BMP5: variants seen among roughly 807,000 people sequenced by gnomAD.
The protein encoded by BMP5 is bone morphogenetic protein 5.
Under a neutral mutation model 46.6 loss-of-function variants are expected in BMP5, and 23 were observed. The ratio of observed to expected loss-of-function variants is 0.49; its 90% CI spans 0.35 to 0.70. The LOEUF (loss-of-function observed/expected upper bound fraction) is 0.70, where lower values mean the gene tolerates loss of function less well. Among genes scored for constraint, BMP5 ranks in the 30% least tolerant of loss-of-function variants. The pLI is 0.00. For missense variants in BMP5, 545 were observed against 565.6 expected (o/e 0.96, Z 0.37); for synonymous variants, 204 against 191.9 (o/e 1.06, Z -0.52).
At chr6:55,780,593 G>A (rs1203060976) in intron 3 of BMP5, among the ~76,000 whole-genome samples, 2 of 152,096 alleles carry the variant, frequency 1.3e-5, no homozygotes, top group East Asian at 3.9e-4. Context: ...GTTTAAAGGG[G>A]ATAGAGATTT....
chr6:55,858,471 C>T (rs2127552630), intron 1 of BMP5, among the ~76,000 whole-genome samples: 1 of 152,168 alleles, frequency 6.6e-6, no homozygotes, highest in Non-Finnish European at 1.5e-5. Flanking sequence ...AAGCTGCAAA[C>T]TTAAAACTCC....
chr6:55,769,397 A>G (rs1227187293), intron 4 of BMP5, among the ~76,000 whole-genome samples: 1 of 151,828 alleles, frequency 6.6e-6, no homozygotes, highest in Non-Finnish European at 1.5e-5. Flanking sequence ...TTTTTGCTCA[A>G]CCATAAGAAG....
intron 2 of BMP5, among the ~76,000 whole-genome samples, chr6:55,811,004 G>C (rs9464290): frequency 0.017 from 2,575 of 152,252 alleles, 80 homozygotes; most frequent in African/African-American, 0.058. Flanking sequence ...CTCTAAAATA[G>C]AGCATGATCC....
rs1774530835 is a variant in BMP5 at position 55,754,527 on chromosome 6, T to C, written c.*1006A>G. On this transcript the variant is annotated 3_prime_UTR_variant, in exon 7 of 7. Coordinates refer to ENST00000370830, the MANE Select transcript of BMP5 (RefSeq NM_021073.4). ...CTTTTGGTAATTTCCTCCAGTTTAG[T>C]TTCAGTGCTTTTACTTCTAAATAAA... 1.3e-5 allele frequency: 2 copies of C among 151,956 alleles called. No individual in the cohort carries two copies. The highest frequency in any genetic ancestry group is 2.9e-5 in the Non-Finnish European group (2 of 67,922). The allele number at this position is 151,956 out of a possible 1,614,324, so 9.4% of individuals were successfully genotyped here.
At chr6:55,802,084 A>T (rs62406250) in intron 2 of BMP5, among the ~76,000 whole-genome samples, 6,126 of 152,282 alleles carry the variant, frequency 0.04, 176 homozygotes, top group Non-Finnish European at 0.064. Flanking sequence ...TGGTCTGGAA[A>T]TCAAGGGGTG....
At chr6:55,812,628 G>C (rs927018971) in intron 2 of BMP5, among the ~76,000 whole-genome samples, 6 of 152,174 alleles carry the variant, frequency 3.9e-5, no homozygotes, top group African/African-American at 1.4e-4. Flanking sequence ...AGTACAGTCT[G>C]CCCTGACTTT....
At chr6:55,853,529 CAACT>C (rs1482734085) in intron 1 of BMP5, among the ~76,000 whole-genome samples, 2 of 152,092 alleles carry the variant, frequency 1.3e-5, no homozygotes, top group Non-Finnish European at 2.9e-5. Context: ...GTAATACAAC[CAACT>C]ATTAGTCATT....
chr6:55,852,927 C>T (rs192509432), intron 1 of BMP5, among the ~76,000 whole-genome samples: 247 of 151,968 alleles, frequency 1.6e-3, no homozygotes, highest in African/African-American at 5.5e-3. Flanking sequence ...GTCAGGAGAT[C>T]GAGACCATCC....
chr6:55,813,781 C>T (rs1448554111), intron 2 of BMP5, among the ~76,000 whole-genome samples: 1 of 115,982 alleles, frequency 8.6e-6, no homozygotes, highest in Non-Finnish European at 1.7e-5. Flanking sequence ...AGCGAGACAC[C>T]GTCTCAAAAA....
intron 1 of BMP5, among the ~76,000 whole-genome samples, chr6:55,841,916 CAGAGAGAGAG>C (rs143400522): frequency 3.4e-5 from 5 of 146,844 alleles, no homozygotes; most frequent in African/African-American, 1.0e-4. Flanking sequence ...GAGAGAGAGA[CAGAGAGAGAG>C]AGAGAGAGAG....
chr6:55,793,837 A>T (rs1775632887), intron 3 of BMP5, among the ~76,000 whole-genome samples: 1 of 152,092 alleles, frequency 6.6e-6, no homozygotes, highest in Non-Finnish European at 1.5e-5. Flanking sequence ...TTTTTGATAC[A>T]TATTTATCAT....
chr6:55,833,345 C>T (rs753322385), intron 1 of BMP5, among the ~76,000 whole-genome samples: 5 of 152,172 alleles, frequency 3.3e-5, no homozygotes, highest in Non-Finnish European at 2.9e-5. Flanking sequence ...GTGTTCACAG[C>T]CTCAAATAAG....
chr6:55,824,971 A>T (rs1776495217), intron 1 of BMP5, among the ~76,000 whole-genome samples: 1 of 151,948 alleles, frequency 6.6e-6, no homozygotes, highest in South Asian at 2.1e-4. Flanking sequence ...CTTTACAATG[A>T]TACACTTTAT....
At chr6:55,759,296 A>G (rs1316547085) in intron 5 of BMP5, among the ~76,000 whole-genome samples, 181 bp from the exon 6 acceptor site, 3 of 151,584 alleles carry the variant, frequency 2.0e-5, no homozygotes, top group Non-Finnish European at 4.4e-5. Flanking sequence ...TTCTAATGGA[A>G]TTATCTTCCC....
At chr6:55,780,451 A>T (rs576844639) in intron 3 of BMP5, among the ~76,000 whole-genome samples, 6 of 100,380 alleles carry the variant, frequency 6.0e-5, no homozygotes, top group South Asian at 7.6e-4. Flanking sequence ...AAACCCCATC[A>T]CTACTAAAAA....
intron 1 of BMP5, among the ~76,000 whole-genome samples, chr6:55,821,030 C>A (rs1776399429): frequency 6.6e-6 from 1 of 151,978 alleles, no homozygotes; most frequent in African/African-American, 2.4e-5. Flanking sequence ...AATTGGAAAT[C>A]TTTAGAAGAT....
At chr6:55,828,539 AAG>A (rs1776583591) in intron 1 of BMP5, among the ~76,000 whole-genome samples, 1 of 151,818 alleles carries the variant, frequency 6.6e-6, no homozygotes, top group African/African-American at 2.4e-5. Context: ...CACTCACCCT[AAG>A]TATATCAATA....
At chr6:55,778,661 T>C (rs1165093613) in intron 3 of BMP5, among the ~76,000 whole-genome samples, 1 of 152,084 alleles carries the variant, frequency 6.6e-6, no homozygotes, top group East Asian at 1.9e-4. Flanking sequence ...ACCAGAATCA[T>C]AAAGAAACAA....
At chr6:55,759,144 CAAAAAAAAAAAAAAAAAAAAAAA>C (rs754365141) in intron 5 of BMP5, 29 bp from the exon 6 acceptor site, 16 of 85,078 alleles carry the variant, frequency 1.9e-4, no homozygotes, top group Non-Finnish European at 2.7e-4. Flanking sequence ...CACACACACA[CAAAAAAAAAAAAAAAAAAAAAAA>C]AAAAAAAAAA....
Sources: allele counts gnomAD v4.1 joint callset (sites outside exome capture counted in the v4.1 genomes callset), GRCh38; gene constraint gnomAD v4.1.1; transcripts MANE v1.5; gene names NCBI Gene and HGNC (gene_info 2026-07-23, HGNC 2026-07-21).